CTNNA2: variants seen among roughly 807,000 people sequenced by gnomAD.
The protein encoded by CTNNA2 is catenin alpha-2.
Under a neutral mutation model 101.0 loss-of-function variants are expected in CTNNA2, and 42 were observed. The observed-to-expected ratio is 0.42, with a 90% CI of 0.32 to 0.54. CTNNA2 has a LOEUF of 0.54. Ranked by LOEUF, CTNNA2 falls within the 20% of genes least tolerant of loss-of-function variation. The pLI is 0.14. For missense variants in CTNNA2, 871 were observed against 1,223.1 expected (o/e 0.71, Z 4.29); for synonymous variants, 450 against 456.4 (o/e 0.99, Z 0.18).
chr2:80,043,829 A>C (rs563633944), intron 7 of CTNNA2, among the ~76,000 whole-genome samples: 1 of 152,328 alleles, frequency 6.6e-6, no homozygotes, highest in Non-Finnish European at 1.5e-5. Flanking sequence ...GCTTTATTTT[A>C]TTATGCGTCT....
intron 2 of CTNNA2, among the ~76,000 whole-genome samples, chr2:79,286,064 C>T (rs1238310794): frequency 1.3e-5 from 2 of 151,444 alleles, no homozygotes; most frequent in African/African-American, 2.4e-5. Flanking sequence ...TTATCAGAGA[C>T]TAGGATTGCA....
At position 80,357,621 on chromosome 2, in the gene CTNNA2, G is replaced by A. The variant is rs189846097; in HGVS notation, c.1057-35590G>A. ...AGAATATAGGAAAAAGGAGGATCTC[G>A]TCAGTATCTTGATATTTCTTGAGGC... On this transcript the variant is annotated intron_variant, in intron 7 of 18. Transcript: ENST00000402739. 3.0e-4 allele frequency among the ~76,000 whole-genome samples: 46 copies of A among 152,176 alleles called. 1 individual carries two copies. Among genetic ancestry groups the A allele is most frequent in the African/African-American group, 9.6e-4 (40 of 41,534 alleles).
At chr2:79,287,017 C>T (rs1187164082) in intron 2 of CTNNA2, among the ~76,000 whole-genome samples, 15 of 152,010 alleles carry the variant, frequency 9.9e-5, no homozygotes, top group Admixed American at 3.3e-4. Context: ...CATCTTCCAT[C>T]GCTGATACCC....
In CTNNA2 at chr2:79,762,492, A is replaced by AT. The variant is rs1672862170; in HGVS notation, c.298+17916dup. 4.6e-5 allele frequency among the ~76,000 whole-genome samples: 7 copies of AT among 152,214 alleles called. No individual in the cohort carries two copies. In the South Asian group the frequency reaches 8.3e-4, roughly 18 times the overall value. On this transcript the variant is annotated intron_variant, in intron 3 of 18. Transcript: ENST00000402739. ...CCTAGAACAACGAGTAGATTTTATG[A>AT]TTTTTTATTAGTTTGTTTTCAATTC...
intron 2 of CTNNA2, among the ~76,000 whole-genome samples, chr2:79,662,406 A>T (rs1682099058): frequency 6.6e-6 from 1 of 152,352 alleles, no homozygotes; most frequent in African/African-American, 2.4e-5. Context: ...GAGAAAAATA[A>T]TGATATCTTT....
intron 1 of CTNNA2, among the ~76,000 whole-genome samples, chr2:79,637,496 G>C (rs1311425247): frequency 5.3e-5 from 8 of 152,158 alleles, no homozygotes; most frequent in Non-Finnish European, 1.2e-4. Flanking sequence ...GCTATTTGAT[G>C]GTTTTTTGAA....
At chr2:80,445,742 C>T (rs1683017992) in intron 9 of CTNNA2, among the ~76,000 whole-genome samples, 1 of 152,178 alleles carries the variant, frequency 6.6e-6, no homozygotes, top group Non-Finnish European at 1.5e-5. Context: ...TAGTCAGTGT[C>T]AACCTTGACC....
In CTNNA2 at chr2:79,505,828, G is replaced by T. The variant is rs565028879; in HGVS notation, c.-6+646G>T. The stretch of plus-strand genomic sequence containing the variant: ...TGCATTTATCTCGAGTTGTCAGTTT[G>T]TCTCATTAAAGTATGAGACTGTTAA... On this transcript the variant is annotated intron_variant, in intron 5 of 21. Transcript: ENST00000466387. Among the ~76,000 whole-genome samples the T allele has an allele frequency of 1.1e-4, 16 of 152,284 alleles. No homozygotes were observed. The East Asian group carries it at 1.2e-3, about 11-fold the overall frequency.
chr2:79,329,450 T>C (rs1676821150), intron 3 of CTNNA2, among the ~76,000 whole-genome samples: 1 of 152,156 alleles, frequency 6.6e-6, no homozygotes, highest in Admixed American at 6.5e-5. Flanking sequence ...AGCAGAGGGA[T>C]CATTAGTGAG....
At chr2:80,527,988 A>T (rs996694430) in intron 9 of CTNNA2, among the ~76,000 whole-genome samples, 4 of 152,176 alleles carry the variant, frequency 2.6e-5, no homozygotes, top group Admixed American at 2.6e-4. Flanking sequence ...TTCAGTGTGC[A>T]TCCAAATTTA....
At chr2:79,587,618 C>T (rs1676580743) in intron 1 of CTNNA2, among the ~76,000 whole-genome samples, 1 of 152,150 alleles carries the variant, frequency 6.6e-6, no homozygotes, top group African/African-American at 2.4e-5. Context: ...ATAAAACCAT[C>T]ATTTTCCATG....
intron 7 of CTNNA2, among the ~76,000 whole-genome samples, chr2:80,111,503 T>C (rs1378033010): frequency 1.3e-5 from 2 of 152,176 alleles, no homozygotes; most frequent in African/African-American, 2.4e-5. Context: ...AATAATCTCT[T>C]CCCTTTACCT....
intron 7 of CTNNA2, among the ~76,000 whole-genome samples, chr2:80,240,920 G>A: frequency 6.6e-6 from 1 of 152,112 alleles, no homozygotes; most frequent in East Asian, 1.9e-4. Context: ...TGTGAATATA[G>A]TTAGAACTCT....
At chr2:79,528,230 C>T (rs1028583784) in intron 1 of CTNNA2, among the ~76,000 whole-genome samples, 15 of 151,240 alleles carry the variant, frequency 9.9e-5, no homozygotes, top group Non-Finnish European at 1.8e-4. Context: ...TTTGGAGACA[C>T]GGAGACAGGG....
chr2:79,522,496 G>A (rs1360358919), intron 1 of CTNNA2, among the ~76,000 whole-genome samples: 1 of 152,168 alleles, frequency 6.6e-6, no homozygotes, highest in Admixed American at 6.5e-5. Context: ...GTGTGGTACT[G>A]ATGCCACAGT....
At chr2:80,441,093 T>C (rs1460010531) in intron 9 of CTNNA2, among the ~76,000 whole-genome samples, 3 of 152,166 alleles carry the variant, frequency 2.0e-5, no homozygotes, top group Non-Finnish European at 2.9e-5. Flanking sequence ...CTAACATCCA[T>C]GGACTAAAGA....
intron 6 of CTNNA2, among the ~76,000 whole-genome samples, chr2:79,890,329 A>G (rs1334692060): frequency 1.3e-5 from 2 of 152,172 alleles, no homozygotes; most frequent in African/African-American, 4.8e-5. Flanking sequence ...CTGCCAAATA[A>G]TCATGCAATC....
intron 4 of CTNNA2, among the ~76,000 whole-genome samples, chr2:79,464,982 G>C (rs2104539480): frequency 6.6e-6 from 1 of 152,226 alleles, no homozygotes; most frequent in African/African-American, 2.4e-5. Flanking sequence ...AAGCTCTTTA[G>C]TTTAATTAGA....
At chr2:79,345,447 T>C (rs1288247125) in intron 3 of CTNNA2, among the ~76,000 whole-genome samples, 1 of 152,194 alleles carries the variant, frequency 6.6e-6, no homozygotes, top group Non-Finnish European at 1.5e-5. Context: ...TTATTCATGG[T>C]CCCACCAAGG....
Sources: gnomAD v4.1 joint callset for allele counts (sites outside exome capture counted in the v4.1 genomes callset) on GRCh38, gnomAD v4.1.1 for gene constraint, MANE v1.5 for transcripts, NCBI Gene and HGNC (gene_info 2026-07-23, HGNC 2026-07-21) for gene names.